TNFRSF11A: variants seen among roughly 807,000 people sequenced by gnomAD.
TNFRSF11A encodes the protein TNF receptor superfamily member 11a.
In TNFRSF11A, 32 loss-of-function variants were observed where a neutral mutation model predicts 55.7. The observed-to-expected ratio is 0.57, with a 90% CI of 0.43 to 0.77. The LOEUF is 0.77. Ranked by LOEUF, TNFRSF11A falls within the 30% of genes least tolerant of loss-of-function variation. The pLI is 0.00. For missense variants in TNFRSF11A, 753 were observed against 809.8 expected, an observed-to-expected ratio of 0.93 and a Z score of 0.85; for synonymous variants, 311 against 331.0, an observed-to-expected ratio of 0.94 and a Z score of 0.65.
At chr18:62,369,508 C>T (rs1279957777) in intron 9 of TNFRSF11A, 24 bp downstream of exon 9, 1 of 1,601,002 alleles carries the variant, frequency 6.2e-7, no homozygotes, top group African/African-American at 1.3e-5. Flanking sequence ...CAGTCTCTCA[C>T]TTCTGAGCAG....
Position 62,386,909 on chromosome 18 carries a change from A to G in TNFRSF11A, c.*1875A>G, listed in dbSNP as rs1206339418. ...TTTATTTAACATCATCCACAGAGAG[A>G]TGTTATACAAATGGAGGAAACCATT... On this transcript the variant is annotated 3_prime_UTR_variant, in exon 10 of 10. Transcript: ENST00000586569. 1 of 152,218 alleles carries G rather than the reference A, an allele frequency of 6.6e-6. No individual in the cohort carries two copies. Among genetic ancestry groups the G allele is most frequent in the Non-Finnish European group, 1.5e-5 (1 of 68,040 alleles). 9.4% of individuals were successfully genotyped at this position (152,218 alleles called of 1,614,324 possible). A position where few individuals can be genotyped will look rare whatever the true frequency, so the allele number is the denominator to read the frequency against.
intron 9 of TNFRSF11A, among the ~76,000 whole-genome samples, chr18:62,377,166 C>T (rs1278023300): frequency 5.3e-5 from 8 of 152,206 alleles, no homozygotes; most frequent in African/African-American, 1.4e-4. Context: ...TCGCCCGCCT[C>T]GGCCTCCCAA....
intron 1 of TNFRSF11A, among the ~76,000 whole-genome samples, chr18:62,335,581 T>A (rs1013291251): frequency 6.6e-6 from 1 of 152,212 alleles, no homozygotes; most frequent in Non-Finnish European, 1.5e-5. Flanking sequence ...GGCTCTCCAT[T>A]TCCTGGCATG....
Position 62,335,143 on chromosome 18 carries a change from T to G in TNFRSF11A, c.75+9716T>G, listed in dbSNP as rs535875343. On this transcript the variant is annotated intron_variant, in intron 1 of 9. Coordinates refer to ENST00000586569, the MANE Select transcript of TNFRSF11A (RefSeq NM_003839.4). ...CTGGGGTCGGAATTTTTTTTTTTTT[T>G]TTGTTACCCAGGCTGGAGTGCAGTG... Among the ~76,000 whole-genome samples, 582 of 151,498 alleles carry G rather than the reference T, an allele frequency of 3.8e-3. 4 individuals are homozygous for G. The highest frequency in any genetic ancestry group is 0.012 in the African/African-American group (484 of 41,394).
intron 9 of TNFRSF11A, among the ~76,000 whole-genome samples, chr18:62,372,038 A>G (rs2145365232): frequency 6.6e-6 from 1 of 152,296 alleles, no homozygotes; most frequent in Admixed American, 6.5e-5. Context: ...TTTAGGGAAG[A>G]GTATCTCCTG....
chr18:62,384,824 C>A lies in TNFRSF11A; in HGVS notation c.1641C>A (p.Ile547=), dbSNP rs776405937. 1 of 1,611,904 alleles carries A rather than the reference C, an allele frequency of 6.2e-7. No individual in the cohort carries two copies. The highest frequency in any genetic ancestry group is 8.5e-7 in the Non-Finnish European group (1 of 1,179,198). Residue 547 remains isoleucine (I), a synonymous_variant, in exon 10 of 10, where the codon ATC becomes ATA. Transcript: ENST00000586569. ...GQVMNFKGDI[I]VVYVSQTSQE... ...TGATGAACTTCAAGGGCGACATCAT[C>A]GTGGTCTACGTCAGCCAGACCTCGC...
Position 62,390,687 on chromosome 18 carries a change from G to A in TNFRSF11A, c.*5653G>A, listed in dbSNP as rs558372540. 1.3e-5 allele frequency: 2 copies of A among 152,330 alleles called. No homozygotes were observed. The highest frequency in any genetic ancestry group is 2.1e-4 in the South Asian group (1 of 4,822). 9.4% of individuals were successfully genotyped at this position (152,330 alleles called of 1,614,324 possible). ...AGAGACTGTCTCCATTTAAGCAGCA[G>A]CAGTAAAACATCTTACCCTAAAATG... On this transcript the variant is annotated 3_prime_UTR_variant, in exon 10 of 10. Transcript: ENST00000586569.
At chr18:62,359,038 C>T (rs1366064022) in intron 5 of TNFRSF11A, among the ~76,000 whole-genome samples, 2 of 152,110 alleles carry the variant, frequency 1.3e-5, no homozygotes, top group East Asian at 1.9e-4. Flanking sequence ...TTTGTTGTTG[C>T]ATACCAATAA....
Position 62,368,816 on chromosome 18 carries a change from G to A in TNFRSF11A, c.899G>A (p.Cys300Tyr). The A allele has an allele frequency of 6.2e-7, 1 of 1,614,252 alleles. No individual in the cohort carries two copies. Among genetic ancestry groups the A allele is most frequent in the South Asian group, 1.1e-5 (1 of 91,088 alleles). Residue 300 changes from cysteine (C) to tyrosine (Y), a missense_variant, in exon 9 of 10, where the codon TGC (cysteine) becomes TAC (tyrosine). Physicochemically the swap from Cys to Tyr is radical, Grantham distance 194 (BLOSUM62 -2). Around this residue, in one of 3 missense-constraint regions of TNFRSF11A, gnomAD observed 567 missense variants for 596.7 expected, o/e 0.95. Coordinates refer to ENST00000586569, the MANE Select transcript of TNFRSF11A (RefSeq NM_003839.4). Reference sequence around the variant, plus strand: ...GAGAAGACATTTCCAGAAGATATGTGCTACCCAGATCAAGGTGGTGTCTGT... The same window carrying A: ...GAGAAGACATTTCCAGAAGATATGTACTACCCAGATCAAGGTGGTGTCTGT... The part of the protein sequence containing the change: ...LEEKTFPEDM[C>Y]YPDQGGVCQG...
intron 9 of TNFRSF11A, 58 bp from the exon 10 acceptor site, chr18:62,384,693 G>A: frequency 6.3e-7 from 1 of 1,585,270 alleles, no homozygotes. Context: ...CCTCTCGGCA[G>A]ACCCTGCCTC....
intron 9 of TNFRSF11A, among the ~76,000 whole-genome samples, chr18:62,384,479 TC>T (rs776685258): frequency 8.1e-6 from 1 of 123,110 alleles, no homozygotes; most frequent in Non-Finnish European, 1.7e-5. Context: ...TCCTCCCCCT[TC>T]CCCCCTCCCT....
chr18:62,346,936 C>T (rs1316924529), intron 1 of TNFRSF11A, among the ~76,000 whole-genome samples: 2 of 152,192 alleles, frequency 1.3e-5, no homozygotes, highest in African/African-American at 2.4e-5. Flanking sequence ...TGTTTCAGGC[C>T]TCATTGCCCC....
chr18:62,328,388 G>A (rs973863265), intron 1 of TNFRSF11A, among the ~76,000 whole-genome samples: 3 of 151,418 alleles, frequency 2.0e-5, no homozygotes, highest in Non-Finnish European at 2.9e-5. Context: ...TGGTGTGAAT[G>A]CTTTAGACCT....
chr18:62,363,365 CTTTTTT>C (rs386387923), intron 7 of TNFRSF11A, among the ~76,000 whole-genome samples: 1 of 106,770 alleles, frequency 9.4e-6, no homozygotes, highest in Non-Finnish European at 1.8e-5. Context: ...AGTGATGACC[CTTTTTT>C]TTTTTTTTTT....
At chr18:62,371,696 G>T (rs1224117167) in intron 9 of TNFRSF11A, among the ~76,000 whole-genome samples, 1 of 152,220 alleles carries the variant, frequency 6.6e-6, no homozygotes, top group Non-Finnish European at 1.5e-5. Flanking sequence ...TTTGGAGGCT[G>T]TGCTATTCTC....
At chr18:62,342,938 A>G (rs1402141015) in intron 1 of TNFRSF11A, among the ~76,000 whole-genome samples, 1 of 152,220 alleles carries the variant, frequency 6.6e-6, no homozygotes, top group Non-Finnish European at 1.5e-5. Flanking sequence ...ATAATTCCTT[A>G]GGGTAAGATT....
Position 62,365,916 on chromosome 18 carries a change from C to G in TNFRSF11A, c.731-792C>G, listed in dbSNP as rs182533305. Reference sequence around the variant, plus strand: ...CACTGCAGCCTCCGCCTGCCAGGTTCAAGCAATTCTCCTGCTTCAGCCTCC... The same window carrying G: ...CACTGCAGCCTCCGCCTGCCAGGTTGAAGCAATTCTCCTGCTTCAGCCTCC... On this transcript the variant is annotated intron_variant, in intron 7 of 9. Coordinates refer to ENST00000586569, the MANE Select transcript of TNFRSF11A (RefSeq NM_003839.4). 1.0e-3 allele frequency among the ~76,000 whole-genome samples: 158 copies of G among 152,240 alleles called. 1 individual carries two copies. The highest frequency in any genetic ancestry group is 2.9e-3 in the African/African-American group (121 of 41,512).
chr18:62,361,287 C>A (rs905743506), intron 6 of TNFRSF11A, among the ~76,000 whole-genome samples: 2 of 152,060 alleles, frequency 1.3e-5, no homozygotes, highest in Non-Finnish European at 2.9e-5. Context: ...CCCCTGGTGC[C>A]CTGTTGCTAT....
intron 1 of TNFRSF11A, among the ~76,000 whole-genome samples, chr18:62,326,789 A>C (rs1164661008): frequency 6.6e-6 from 1 of 152,230 alleles, no homozygotes; most frequent in East Asian, 1.9e-4. Flanking sequence ...ATGCATGTTT[A>C]AAAATGTAAA....
Sources: allele counts gnomAD v4.1 joint callset (sites outside exome capture counted in the v4.1 genomes callset), GRCh38; gene constraint gnomAD v4.1.1; regional missense constraint gnomAD v4.1.1; transcripts MANE v1.5; gene names NCBI Gene and HGNC (gene_info 2026-07-23, HGNC 2026-07-21).